Variants in OTUD7B observed in about 807,000 individuals in gnomAD.
The protein encoded by OTUD7B is OTU domain-containing protein 7B.
In OTUD7B, 34 loss-of-function variants were observed where a neutral mutation model predicts 82.2. That is an observed-to-expected ratio of 0.41 (90% CI 0.31 to 0.55). The LOEUF (loss-of-function observed/expected upper bound fraction) is 0.55, where lower values mean the gene tolerates loss of function less well. OTUD7B is among the 20% of genes least tolerant of loss of function. OTUD7B has a pLI of 0.20. For missense variants in OTUD7B, 944 were observed against 1,062.1 expected (o/e 0.89, Z 1.55); for synonymous variants, 398 against 402.7 (o/e 0.99, Z 0.14).
chr1:150,014,686 CAT>C (rs1353823208), upstream of OTUD7B, among the ~76,000 whole-genome samples: 1 of 152,108 alleles, frequency 6.6e-6, no homozygotes, highest in African/African-American at 2.4e-5. Flanking sequence ...ATCTTGGACT[CAT>C]TTGTGGTGCA....
chr1:150,001,079 C>A (rs1652252015), intron 1 of OTUD7B, among the ~76,000 whole-genome samples: 1 of 152,116 alleles, frequency 6.6e-6, no homozygotes, highest in Admixed American at 6.5e-5. Flanking sequence ...GGCCAGTAGT[C>A]ATTTCTTGAG....
chr1:149,948,124 C>T (rs1323259257), intron 10 of OTUD7B, among the ~76,000 whole-genome samples: 4 of 152,114 alleles, frequency 2.6e-5, no homozygotes, highest in East Asian at 1.9e-4. Flanking sequence ...GGATTATAGA[C>T]ATGCACCACC....
At chr1:149,981,091 G>A (rs995699499) in intron 1 of OTUD7B, among the ~76,000 whole-genome samples, 1 of 149,248 alleles carries the variant, frequency 6.7e-6, no homozygotes, top group African/African-American at 2.5e-5. Flanking sequence ...AGGAGGAGGA[G>A]GAAGAGGAGG....
chr1:150,002,972 C>T (rs377096325), intron 1 of OTUD7B, among the ~76,000 whole-genome samples: 3 of 152,262 alleles, frequency 2.0e-5, no homozygotes, highest in East Asian at 1.9e-4. Flanking sequence ...AGCTCCAGGC[C>T]GGGCGTGGTG....
intron 1 of OTUD7B, among the ~76,000 whole-genome samples, chr1:149,978,446 T>A (rs1427310324): frequency 6.6e-6 from 1 of 150,436 alleles, no homozygotes; most frequent in African/African-American, 2.5e-5. Flanking sequence ...GGGGCAGAGG[T>A]TGCAGTGAGC....
At chr1:150,038,568 G>A in the OTUD7B span, among the ~76,000 whole-genome samples, 12 of 151,676 alleles carry the variant, frequency 7.9e-5, no homozygotes, top group African/African-American at 2.9e-4. Flanking sequence ...TGTATTTTTA[G>A]TAGAGACGGG....
At chr1:149,962,644 C>A (rs961117708) in intron 6 of OTUD7B, 2 of 152,274 alleles carry the variant, frequency 1.3e-5, no homozygotes, top group East Asian at 1.9e-4. Context: ...TATAATCTAA[C>A]CCCATCTTTA....
At chr1:149,958,829 C>T (rs1235181090) in intron 7 of OTUD7B, among the ~76,000 whole-genome samples, 4 of 151,790 alleles carry the variant, frequency 2.6e-5, no homozygotes, top group African/African-American at 2.4e-5. Flanking sequence ...ACTGCAGCCT[C>T]GACCTCCCCA....
At chr1:150,001,109 A>C (rs1191755553) in intron 1 of OTUD7B, among the ~76,000 whole-genome samples, 2 of 152,212 alleles carry the variant, frequency 1.3e-5, no homozygotes, top group Admixed American at 6.5e-5. Context: ...GGAGGAAAGG[A>C]TGCAGGGTGG....
chr1:149,943,927 C>G lies in OTUD7B; in HGVS notation c.2462G>C (p.Cys821Ser). Residue 821 changes from cysteine to serine, a missense_variant, in exon 12 of 12, where the codon TGT (cysteine) becomes TCT (serine). Coordinates refer to ENST00000581312, the MANE Select transcript of OTUD7B (RefSeq NM_020205.4). ...GHPETNNFCS[C>S]CYREELRRRE... Reference sequence around the variant, plus strand: ...CCTCCTCAGTTCTTCCCTGTAACAACAGGAACAGAAGTTGTTTGTCTCAGG... The same window carrying G: ...CCTCCTCAGTTCTTCCCTGTAACAAGAGGAACAGAAGTTGTTTGTCTCAGG... 6.2e-7 allele frequency: 1 copy of G among 1,614,240 alleles called. No homozygotes were observed.
At chr1:150,064,211 T>C in the OTUD7B span, among the ~76,000 whole-genome samples, 3 of 152,362 alleles carry the variant, frequency 2.0e-5, no homozygotes, top group Non-Finnish European at 2.9e-5. Context: ...CATTATTTCA[T>C]TTAATTCTCA....
chr1:149,972,229 T>G (rs1178107781), intron 2 of OTUD7B, among the ~76,000 whole-genome samples: 2 of 152,212 alleles, frequency 1.3e-5, no homozygotes, highest in African/African-American at 4.8e-5. Flanking sequence ...TTAGATGAGT[T>G]GAAAGCACTT....
At chr1:150,035,656 T>C in the OTUD7B span, among the ~76,000 whole-genome samples, 4 of 152,198 alleles carry the variant, frequency 2.6e-5, no homozygotes, top group African/African-American at 7.2e-5. Context: ...AATATTAGCA[T>C]TGTGTGCCAA....
chr1:150,031,614 A>C, the OTUD7B span, among the ~76,000 whole-genome samples: 5 of 152,244 alleles, frequency 3.3e-5, no homozygotes, highest in African/African-American at 4.8e-5. Flanking sequence ...CACAAAAATC[A>C]GACAAGTCAT....
the OTUD7B span, chr1:150,054,606 A>C: frequency 2.7e-6 from 1 of 376,762 alleles, no homozygotes; most frequent in African/African-American, 2.1e-5. Flanking sequence ...TCAGGAGTTC[A>C]AGACCAGCAC....
At chr1:150,008,406 CAAAA>C (rs1652805097) in intron 1 of OTUD7B, among the ~76,000 whole-genome samples, 1 of 152,042 alleles carries the variant, frequency 6.6e-6, no homozygotes, top group Non-Finnish European at 1.5e-5. Flanking sequence ...ATAGGGGTCT[CAAAA>C]GAAAGATTAA....
chr1:149,968,921 T>G (rs1271560524), intron 3 of OTUD7B, among the ~76,000 whole-genome samples: 5 of 151,950 alleles, frequency 3.3e-5, no homozygotes, highest in Non-Finnish European at 7.4e-5. Context: ...TCCACATTGG[T>G]CAGGCTGTTC....
chr1:150,052,970 T>C, the OTUD7B span, among the ~76,000 whole-genome samples: 2 of 152,252 alleles, frequency 1.3e-5, no homozygotes, highest in South Asian at 4.1e-4. Flanking sequence ...GGTGCTGGGA[T>C]AACTGGCTAA....
chr1:150,033,043 A>G, the OTUD7B span, among the ~76,000 whole-genome samples: 2 of 152,194 alleles, frequency 1.3e-5, no homozygotes, highest in Non-Finnish European at 2.9e-5. Flanking sequence ...CTCAGTTTCC[A>G]TTGTTAGACA....
Sources: gnomAD v4.1 joint callset for allele counts (sites outside exome capture counted in the v4.1 genomes callset) on GRCh38, gnomAD v4.1.1 for gene constraint, MANE v1.5 for transcripts, NCBI Gene and HGNC (gene_info 2026-07-23, HGNC 2026-07-21) for gene names.